SH3YL1: variants seen among roughly 807,000 people sequenced by gnomAD.
SH3YL1 encodes the protein SH3 domain-containing YSC84-like protein 1.
In SH3YL1, 41 loss-of-function variants were observed where a neutral mutation model predicts 45.8. That is an observed-to-expected ratio of 0.89 (90% CI 0.70 to 1.16). SH3YL1 has a LOEUF of 1.16. SH3YL1 is among the 50% of genes most tolerant of loss of function. The probability of loss-of-function intolerance (pLI) is 0.00; values close to 1 mark genes in which losing one functional copy is unlikely to be tolerated. For synonymous variants in SH3YL1, 152 were observed against 151.4 expected (o/e 1.00, Z -0.03); for missense variants, 389 against 409.6 (o/e 0.95, Z 0.43).
chr2:254,540 C>T (rs934976353), intron 1 of SH3YL1, among the ~76,000 whole-genome samples: 4 of 152,114 alleles, frequency 2.6e-5, no homozygotes, highest in African/African-American at 7.2e-5. Context: ...TCCACTGTTT[C>T]GCCTCAGTAA....
chr2:224,392 G>GA (rs925241944), intron 9 of SH3YL1, among the ~76,000 whole-genome samples: 1 of 152,168 alleles, frequency 6.6e-6, no homozygotes, highest in African/African-American at 2.4e-5. Context: ...AAAACACAGA[G>GA]AAAATGGAAT....
rs764782475 is a variant in SH3YL1 at position 233,146 on chromosome 2, G to T, written c.488C>A (p.Ser163Tyr). 7.5e-6 allele frequency: 12 copies of T among 1,599,132 alleles called. No individual in the cohort carries two copies. The highest frequency in any genetic ancestry group is 1.3e-5 in the African/African-American group (1 of 74,536). ...TTCAATCAAACAGCTCCCTTCTAAA[G>T]ACACGCCTGCAAAGAGTCCCCTTGA... ...CKSRGLFAGV[S>Y]LEGSCLIERK... The change falls in exon 6 of 10, where the codon TCT becomes TAT. Residue 163 changes from serine to tyrosine, a missense_variant. Coordinates refer to ENST00000356150, the MANE Select transcript of SH3YL1 (RefSeq NM_015677.4).
intron 5 of SH3YL1, among the ~76,000 whole-genome samples, chr2:233,463 GAACTGTGTTGA>G (rs1325582417): frequency 1.3e-5 from 2 of 152,124 alleles, no homozygotes; most frequent in Non-Finnish European, 2.9e-5. Flanking sequence ...TGGTAACATA[GAACTGTGTTGA>G]AAAAGAATAC....
intron 1 of SH3YL1, chr2:262,193 A>C (rs965580013): frequency 1.9e-5 from 3 of 155,440 alleles, no homozygotes; most frequent in African/African-American, 7.2e-5. Flanking sequence ...TCTTAAGTCA[A>C]TTCTTACCTT....
chr2:264,771 C>G (rs1003236238), upstream of SH3YL1: 8 of 579,746 alleles, frequency 1.4e-5, no homozygotes, highest in Non-Finnish European at 2.3e-5. Flanking sequence ...CCTCCCCGCC[C>G]GTCCTACTAC....
At position 234,267 on chromosome 2, in the gene SH3YL1, T is replaced by C. The variant is rs1668186978; in HGVS notation, c.297A>G (p.Ser99=). 3.7e-6 allele frequency: 6 copies of C among 1,609,728 alleles called. No homozygotes were observed. Among genetic ancestry groups the C allele is most frequent in the African/African-American group, 1.3e-5 (1 of 74,704 alleles). The change falls in exon 5 of 10, where the codon TCA becomes TCG. Residue 99 remains serine, a synonymous_variant. Transcript: ENST00000356150. ...GGGFEIGIEV[S]DLVIILNYDR... ...CATAATTCAGAATTATCACCAAGTC[T>C]GATACCTAAAGTGTAGAAACCCATG...
chr2:249,955 G>C, intron 2 of SH3YL1, 111 bp from the exon 3 acceptor site: 1 of 714,962 alleles, frequency 1.4e-6, no homozygotes, highest in South Asian at 1.8e-5. Context: ...TAGGAATTCG[G>C]GGCACACAGG....
intron 4 of SH3YL1, chr2:241,770 C>T (rs1416840622): frequency 1.3e-5 from 2 of 152,036 alleles, no homozygotes; most frequent in African/African-American, 4.8e-5. Flanking sequence ...AACTGGTCAA[C>T]TTAGAATCTT....
intron 4 of SH3YL1, among the ~76,000 whole-genome samples, chr2:234,642 A>G (rs1477498163): frequency 6.7e-6 from 1 of 149,996 alleles, no homozygotes; most frequent in Non-Finnish European, 1.5e-5. Flanking sequence ...AAGGGATCCA[A>G]CATGCTCTCT....
chr2:244,111 C>T (rs1343630757), intron 4 of SH3YL1, among the ~76,000 whole-genome samples: 2 of 152,024 alleles, frequency 1.3e-5, no homozygotes, highest in African/African-American at 4.8e-5. Flanking sequence ...ATTCTCCTGG[C>T]TTAGCTATTT....
chr2:262,661 G>C, intron 1 of SH3YL1: 1 of 1,304,304 alleles, frequency 7.7e-7, no homozygotes, highest in Non-Finnish European at 1.0e-6. Context: ...ACAGGGACTT[G>C]TGAGGCTCTC....
At chr2:225,778 A>C (rs917423754) in intron 8 of SH3YL1, among the ~76,000 whole-genome samples, 1 of 152,242 alleles carries the variant, frequency 6.6e-6, no homozygotes, top group Non-Finnish European at 1.5e-5. Context: ...AGAAAAGTGC[A>C]TTCCATTCAC....
Position 249,761 on chromosome 2 carries a change from C to T in SH3YL1, c.196G>A (p.Gly66Arg), listed in dbSNP as rs375557464. Residue 66 changes from glycine to arginine, a missense_variant, in exon 3 of 10, where the codon GGG becomes AGG. By Grantham distance (125) the Gly-to-Arg change is moderately radical. Transcript: ENST00000356150. ...GFLVTARGGSGIVVARLPDGK... is the reference protein window; with the variant it reads ...GFLVTARGGSRIVVARLPDGK... ...TCTGGAAGGCGCGCCACTACAATCC[C>T]GCTGCCTCCTCTGGCAGTCACCAGG... 461 of 1,551,808 alleles carry T rather than the reference C, an allele frequency of 3.0e-4. 6 individuals are homozygous for T. In the South Asian group the frequency reaches 4.9e-3, roughly 16 times the overall value.
intron 1 of SH3YL1, 87 bp downstream of exon 1, chr2:263,896 GC>G: frequency 8.6e-7 from 1 of 1,164,538 alleles, no homozygotes; most frequent in South Asian, 1.3e-5. Context: ...CAGAGGCATC[GC>G]CGGTTTTCCC....
Position 218,708 on chromosome 2 carries a change from C to A in SH3YL1, c.*103G>T. 4 of 1,007,970 alleles carry A rather than the reference C, an allele frequency of 4.0e-6. No individual in the cohort carries two copies. The highest frequency in any genetic ancestry group is 1.6e-5 in the African/African-American group (1 of 60,830). The allele number at this position is 1,007,970 out of a possible 1,614,324, so 62.4% of individuals were successfully genotyped here. Reference sequence around the variant, plus strand: ...CATACGGAATGGAAATTTTGTAGAACAGAAGTTTTTTAAAATTTATATTAA... The same window carrying A: ...CATACGGAATGGAAATTTTGTAGAAAAGAAGTTTTTTAAAATTTATATTAA... On this transcript the variant is annotated 3_prime_UTR_variant, in exon 10 of 10. Coordinates refer to ENST00000356150, the MANE Select transcript of SH3YL1 (RefSeq NM_015677.4).
intron 2 of SH3YL1, 92 bp downstream of exon 2, chr2:252,913 G>A (rs1669134938): frequency 2.8e-6 from 2 of 723,182 alleles, no homozygotes; most frequent in East Asian, 5.5e-5. Flanking sequence ...CATTGATGGA[G>A]GCTTCTGCCT....
At chr2:259,817 A>G (rs956135686) in intron 1 of SH3YL1, 3 of 151,450 alleles carry the variant, frequency 2.0e-5, no homozygotes, top group Admixed American at 1.3e-4. Context: ...AAATTCATTC[A>G]CAGCTTTGTG....
Position 222,016 on chromosome 2 carries a change from T to C in SH3YL1, c.838+2848A>G, listed in dbSNP as rs563976095. ...GTGAGTCAAGTAATGATTCCTTCCATGAAGAAAAACCTTCCTGGTTACCGG... is the reference window on the plus strand; with the variant it reads ...GTGAGTCAAGTAATGATTCCTTCCACGAAGAAAAACCTTCCTGGTTACCGG... On this transcript the variant is annotated intron_variant, in intron 9 of 9. Transcript: ENST00000356150. 4.6e-5 allele frequency among the ~76,000 whole-genome samples: 7 copies of C among 152,248 alleles called. 1 individual carries two copies. The South Asian group carries it at 1.2e-3, about 27-fold the overall frequency.
At chr2:222,847 T>G (rs1238366291) in intron 9 of SH3YL1, 1 of 152,114 alleles carries the variant, frequency 6.6e-6, no homozygotes, top group Non-Finnish European at 1.5e-5. Flanking sequence ...CTTCATCAGG[T>G]TTTCAATTTA....
Sources: allele counts gnomAD v4.1 joint callset (sites outside exome capture counted in the v4.1 genomes callset), GRCh38; gene constraint gnomAD v4.1.1; transcripts MANE v1.5; gene names NCBI Gene and HGNC (gene_info 2026-07-23, HGNC 2026-07-21).